CFAP58: variants seen among roughly 807,000 people sequenced by gnomAD.
CFAP58 encodes the protein cilia- and flagella-associated protein 58.
CFAP58 carries 88 observed loss-of-function variants against 119.5 expected under a neutral mutation model. The ratio of observed to expected loss-of-function variants is 0.74; its 90% CI spans 0.62 to 0.88. CFAP58 has a LOEUF of 0.88. Among genes scored for constraint, CFAP58 ranks in the 40% least tolerant of loss-of-function variants. The probability of loss-of-function intolerance (pLI) is 0.00; values close to 1 mark genes in which losing one functional copy is unlikely to be tolerated. For missense variants in CFAP58, 990 were observed against 1,021.2 expected (o/e 0.97, Z 0.42); for synonymous variants, 365 against 366.3 (o/e 1.00, Z 0.04).
At chr10:104,411,490 T>C (rs761387312) in intron 15 of CFAP58, among the ~76,000 whole-genome samples, 6 of 152,176 alleles carry the variant, frequency 3.9e-5, no homozygotes, top group Non-Finnish European at 5.9e-5. Context: ...CTTTCACTCA[T>C]GGTGGATTTT....
chr10:104,353,717 C>T, upstream of CFAP58: 1 of 586,498 alleles, frequency 1.7e-6, no homozygotes, highest in South Asian at 2.2e-5. Context: ...TTCGAATTCC[C>T]GCTAGCGCCC....
the CFAP58 span, among the ~76,000 whole-genome samples, chr10:104,346,259 A>G: frequency 6.6e-6 from 1 of 152,198 alleles, no homozygotes; most frequent in Middle Eastern, 3.4e-3. Flanking sequence ...CCATGACCCG[A>G]ACACCTGAGG....
At chr10:104,452,808 CTCT>C (rs1486334782) in intron 17 of CFAP58, among the ~76,000 whole-genome samples, 1 of 152,196 alleles carries the variant, frequency 6.6e-6, no homozygotes, top group African/African-American at 2.4e-5. Context: ...TTTACCTGTC[CTCT>C]TCTTGTCCTT....
At chr10:104,357,860 C>CATATATACACATATATGTACAT (rs1564875632) in intron 1 of CFAP58, among the ~76,000 whole-genome samples, 1 of 118,914 alleles carries the variant, frequency 8.4e-6, no homozygotes, top group African/African-American at 4.0e-5. Flanking sequence ...CATATATACA[C>CATATATACACATATATGTACAT]ATATATACAC....
upstream of CFAP58, among the ~76,000 whole-genome samples, chr10:104,350,086 T>C (rs2014442430): frequency 6.6e-6 from 1 of 152,154 alleles, no homozygotes; most frequent in African/African-American, 2.4e-5. Context: ...TGTCAGAAAA[T>C]CTTTTAAGGG....
chr10:104,409,131 C>T lies in CFAP58; in HGVS notation c.2256+2338C>T, dbSNP rs531940951. Among the ~76,000 whole-genome samples the T allele has an allele frequency of 7.2e-5, 11 of 152,068 alleles. No individual in the cohort carries two copies. In the East Asian group the frequency reaches 1.9e-3, roughly 27 times the overall value. On this transcript the variant is annotated intron_variant, in intron 15 of 17. Transcript: ENST00000369704. ...AAAAAAATTATTTAGTTCCTTTCCA[C>T]AGGTTTTGATATGGGGAATTTTCAT... is the stretch of plus-strand genomic sequence containing the variant.
intron 10 of CFAP58, among the ~76,000 whole-genome samples, chr10:104,392,978 A>T (rs144662624): frequency 1.8e-4 from 28 of 152,178 alleles, no homozygotes; most frequent in African/African-American, 6.0e-4. Context: ...AGCTACCATG[A>T]CTCAGAGGGC....
chr10:104,349,560 G>A (rs953612037), upstream of CFAP58, among the ~76,000 whole-genome samples: 1 of 152,110 alleles, frequency 6.6e-6, no homozygotes, highest in African/African-American at 2.4e-5. Flanking sequence ...TCTGAAGTAG[G>A]GGGCATCTGG....
chr10:104,446,443 GA>G (rs1424469780), intron 15 of CFAP58, among the ~76,000 whole-genome samples: 1 of 152,176 alleles, frequency 6.6e-6, no homozygotes, highest in Non-Finnish European at 1.5e-5. Flanking sequence ...TTTGGCCAGG[GA>G]AAAGGAAAAA....
chr10:104,402,517 C>G (rs1391438077), intron 13 of CFAP58, among the ~76,000 whole-genome samples: 1 of 152,164 alleles, frequency 6.6e-6, no homozygotes, highest in Non-Finnish European at 1.5e-5. Context: ...TAATAATATC[C>G]TTATTGCCCA....
chr10:104,415,020 AGC>A (rs1391074420), intron 15 of CFAP58, among the ~76,000 whole-genome samples: 3 of 152,178 alleles, frequency 2.0e-5, no homozygotes, highest in Non-Finnish European at 4.4e-5. Flanking sequence ...GCAGTCACTG[AGC>A]GCCCGGAATT....
intron 8 of CFAP58, among the ~76,000 whole-genome samples, chr10:104,379,103 C>T (rs2133010293): frequency 6.6e-6 from 1 of 152,244 alleles, no homozygotes; most frequent in African/African-American, 2.4e-5. Context: ...GCAACCGTCA[C>T]CACAATCTAG....
In CFAP58 at chr10:104,399,464, C is replaced by A; in HGVS notation, c.1779C>A (p.Asp593Glu). The A allele has an allele frequency of 2.5e-6, 4 of 1,613,692 alleles. No individual in the cohort carries two copies. The highest frequency in any genetic ancestry group is 3.4e-6 in the Non-Finnish European group (4 of 1,179,844). Reference protein sequence around the residue: ...RKLLRIIAEADGERLRQKKEL... With the variant: ...RKLLRIIAEAEGERLRQKKEL... ...TCCTGCGAATAATTGCTGAGGCTGA[C>A]GGGGAGAGGTTGAGACAGAAGAAGG... The change falls in exon 12 of 18, where the codon GAC (aspartate) becomes GAA (glutamate). Residue 593 changes from aspartate to glutamate, a missense_variant. Coordinates refer to ENST00000369704, the MANE Select transcript of CFAP58 (RefSeq NM_001008723.2).
intron 16 of CFAP58, among the ~76,000 whole-genome samples, chr10:104,449,140 A>G (rs1228192030): frequency 6.6e-6 from 1 of 150,760 alleles, no homozygotes; most frequent in African/African-American, 2.4e-5. Context: ...TTTGTTTCTA[A>G]AAGTTTAACT....
chr10:104,361,548 A>AT (rs908440957), intron 2 of CFAP58, among the ~76,000 whole-genome samples: 1 of 152,052 alleles, frequency 6.6e-6, no homozygotes, highest in African/African-American at 2.4e-5. Context: ...GATAAAACTT[A>AT]TTTTTTTCCT....
rs145597366 is a variant in CFAP58, at chr10:104,430,108, AGGGG to A, written c.2257-17587_2257-17584del. Among the ~76,000 whole-genome samples the A allele has an allele frequency of 5.9e-3, 893 of 152,296 alleles. 8 individuals carry two copies. The highest frequency in any genetic ancestry group is 0.02 in the African/African-American group (846 of 41,566). On this transcript the variant is annotated intron_variant, in intron 15 of 17. Transcript: ENST00000369704. ...GAGGGTGGCTGCACATGGTGAGGGA[AGGGG>A]GGTTTTAAGTACTGATGTGGATAAT...
intron 13 of CFAP58, 81 bp downstream of exon 13, chr10:104,400,984 G>C: frequency 3.2e-6 from 3 of 944,240 alleles, no homozygotes; most frequent in Non-Finnish European, 4.9e-6. Context: ...CATGCTTGTT[G>C]CTCATTGAAG....
intron 6 of CFAP58, 38 bp from the exon 7 acceptor site, chr10:104,370,857 T>G (rs1294038439): frequency 6.3e-7 from 1 of 1,577,642 alleles, no homozygotes; most frequent in Non-Finnish European, 8.6e-7. Flanking sequence ...GCTCTTCATT[T>G]ACAAAGTGAC....
chr10:104,415,480 C>G (rs1276565199), intron 15 of CFAP58, among the ~76,000 whole-genome samples: 1 of 152,156 alleles, frequency 6.6e-6, no homozygotes, highest in African/African-American at 2.4e-5. Flanking sequence ...TGAGCTGCTT[C>G]CAAAGGCAGA....
Sources: allele counts gnomAD v4.1 joint callset (sites outside exome capture counted in the v4.1 genomes callset), GRCh38; gene constraint gnomAD v4.1.1; transcripts MANE v1.5; gene names NCBI Gene and HGNC (gene_info 2026-07-23, HGNC 2026-07-21).